Variants in ST3GAL1 observed in about 807,000 individuals in gnomAD.
The protein encoded by ST3GAL1 is ST3 beta-galactoside alpha-2,3-sialyltransferase 1.
In ST3GAL1, 16 loss-of-function variants were observed where a neutral mutation model predicts 34.1. The ratio of observed to expected loss-of-function variants is 0.47; its 90% CI spans 0.32 to 0.71. The LOEUF is 0.71. Ranked by LOEUF, ST3GAL1 falls within the 30% of genes least tolerant of loss-of-function variation. The pLI, the probability that ST3GAL1 is intolerant of heterozygous loss-of-function variation, is 0.04. For synonymous variants in ST3GAL1, 191 were observed against 184.7 expected, an observed-to-expected ratio of 1.03 and a Z score of -0.28; for missense variants, 353 against 447.4, an observed-to-expected ratio of 0.79 and a Z score of 1.90.
chr8:133,532,212 C>G (rs1354701579), intron 2 of ST3GAL1, among the ~76,000 whole-genome samples: 7 of 152,160 alleles, frequency 4.6e-5, no homozygotes, highest in Admixed American at 4.6e-4. Context: ...TGGCTTACAC[C>G]TGTAATCCCA....
intron 1 of ST3GAL1, among the ~76,000 whole-genome samples, chr8:133,563,888 A>G (rs1239972809): frequency 6.6e-6 from 1 of 152,032 alleles, no homozygotes; most frequent in East Asian, 1.9e-4. Context: ...CTTATGAATA[A>G]CCGTGTAAGG....
chr8:133,466,715 C>A lies in ST3GAL1; in HGVS notation c.307-625G>T, dbSNP rs1379821845. 6.6e-6 allele frequency among the ~76,000 whole-genome samples: 1 copy of A among 152,248 alleles called. No individual in the cohort carries two copies. Among genetic ancestry groups the A allele is most frequent in the African/African-American group, 2.4e-5 (1 of 41,472 alleles). On this transcript the variant is annotated intron_variant, in intron 5 of 9. Transcript: ENST00000522652. This position sits in a 1 kb window ranked among gnomAD's most constrained non-coding sequence, Gnocchi z 4.4. ...ACCCTCAGTTCCCCCGGCCCCAGCA[C>A]TGCTGGGCTCCAGCCAGATTGAAGA...
At chr8:133,485,000 T>G (rs1310094999) in intron 3 of ST3GAL1, among the ~76,000 whole-genome samples, 1 of 152,094 alleles carries the variant, frequency 6.6e-6, no homozygotes, top group Non-Finnish European at 1.5e-5. Context: ...GAAGCTAGAG[T>G]GGTATCTGCA....
chr8:133,495,472 C>A (rs1816916740), intron 3 of ST3GAL1, among the ~76,000 whole-genome samples: 1 of 152,198 alleles, frequency 6.6e-6, no homozygotes, highest in Non-Finnish European at 1.5e-5. Flanking sequence ...TAATTTCGCA[C>A]TTAAATTGTT....
chr8:133,476,228 G>C (rs1178139754), intron 4 of ST3GAL1, 50 bp downstream of exon 4: 2 of 533,054 alleles, frequency 3.8e-6, no homozygotes, highest in Non-Finnish European at 6.4e-6. Flanking sequence ...ACGGCTGTGT[G>C]GTAGACCAAC....
chr8:133,553,254 GA>G (rs1818911887), intron 1 of ST3GAL1, among the ~76,000 whole-genome samples: 1 of 152,134 alleles, frequency 6.6e-6, no homozygotes, highest in Non-Finnish European at 1.5e-5. Context: ...GCAGAACTGA[GA>G]CAATCAACTT....
At chr8:133,480,124 T>G (rs1161613394) in intron 3 of ST3GAL1, among the ~76,000 whole-genome samples, 1 of 152,242 alleles carries the variant, frequency 6.6e-6, no homozygotes, top group Non-Finnish European at 1.5e-5. Flanking sequence ...GGAGGGAAGC[T>G]GGCTCCCTGT....
chr8:133,571,344 C>T lies in ST3GAL1; in HGVS notation c.-582+349G>A, dbSNP rs898602263. ...GGGGCTGCTTTCGGGAACCGCTGCC[C>T]GGGACTTGGCGTAGGTTCCCCACAG... On this transcript the variant is annotated intron_variant, in intron 1 of 9. Coordinates refer to ENST00000522652, the MANE Select transcript of ST3GAL1 (RefSeq NM_173344.3). This position sits in a 1 kb window ranked among gnomAD's most constrained non-coding sequence, Gnocchi z 6.7. Among the ~76,000 whole-genome samples the T allele has an allele frequency of 4.6e-5, 7 of 152,138 alleles. No homozygotes were observed. Among genetic ancestry groups the T allele is most frequent in the Non-Finnish European group, 7.4e-5 (5 of 68,026 alleles).
Position 133,458,872 on chromosome 8 carries a change from G to T in ST3GAL1, c.*892C>A, listed in dbSNP as rs553389605. On this transcript the variant is annotated 3_prime_UTR_variant, in exon 10 of 10. Transcript: ENST00000522652. The stretch of plus-strand genomic sequence containing the variant: ...TCAGAAACACGGTGCCAAGTTTGGG[G>T]TTTTTTTTCTTTTCTTTTTTTTTTT... 2.1e-3 allele frequency: 310 copies of T among 149,352 alleles called. 1 individual carries two copies. Among genetic ancestry groups the T allele is most frequent in the South Asian group, 0.01 (48 of 4,662 alleles). The allele number at this position is 149,352 out of a possible 1,614,324, so 9.3% of individuals were successfully genotyped here. A position where few individuals can be genotyped will look rare whatever the true frequency, so the allele number is the denominator to read the frequency against.
At chr8:133,462,320 G>A (rs1485655564) in intron 8 of ST3GAL1, among the ~76,000 whole-genome samples, 2 of 152,142 alleles carry the variant, frequency 1.3e-5, no homozygotes, top group Admixed American at 1.3e-4. Flanking sequence ...CAGGAGAAGG[G>A]GGCTCCAGGG....
intron 2 of ST3GAL1, among the ~76,000 whole-genome samples, chr8:133,509,230 C>T (rs1203058874): frequency 6.6e-6 from 1 of 152,214 alleles, no homozygotes; most frequent in Non-Finnish European, 1.5e-5. Context: ...GTGTCACCAG[C>T]CAAATTTCAA....
In ST3GAL1 at chr8:133,541,120, T is replaced by TAGAGAGAGAGAGAGAGAGAG. The variant is rs1554618899; in HGVS notation, c.-429+4634_-429+4653dup. 3.0e-3 allele frequency among the ~76,000 whole-genome samples: 146 copies of TAGAGAGAGAGAGAGAGAGAG among 48,600 alleles called. 8 individuals are homozygous for TAGAGAGAGAGAGAGAGAGAG. Among genetic ancestry groups the TAGAGAGAGAGAGAGAGAGAG allele is most frequent in the South Asian group, 4.1e-3 (5 of 1,220 alleles). The allele number at this position is 48,600 out of a possible 152,430, so 31.9% of individuals were successfully genotyped here. On this transcript the variant is annotated intron_variant, in intron 2 of 9. Coordinates refer to ENST00000522652, the MANE Select transcript of ST3GAL1 (RefSeq NM_173344.3). Reference sequence around the variant, plus strand: ...ACATATATATATATATATATATATATAGAGAGAGAGAGAGAGAGAGAGAGA... The same window carrying TAGAGAGAGAGAGAGAGAGAG: ...ACATATATATATATATATATATATATAGAGAGAGAGAGAGAGAGAGAGAGAGAGAGAGAGAGAGAGAGAGA...
intron 2 of ST3GAL1, chr8:133,544,060 T>C (rs1818608621): frequency 6.6e-6 from 1 of 152,258 alleles, no homozygotes; most frequent in Non-Finnish European, 1.5e-5. Flanking sequence ...AATTGGATCT[T>C]TTCTCATCAG....
intron 2 of ST3GAL1, among the ~76,000 whole-genome samples, chr8:133,522,094 C>A (rs1206166977): frequency 6.6e-6 from 1 of 152,122 alleles, no homozygotes; most frequent in East Asian, 1.9e-4. Context: ...GGGCAGAAAG[C>A]CTCCCAGAAG....
intron 2 of ST3GAL1, among the ~76,000 whole-genome samples, chr8:133,537,828 T>C (rs559762857): frequency 6.6e-6 from 1 of 152,336 alleles, no homozygotes; most frequent in African/African-American, 2.4e-5. Flanking sequence ...TCTTGGATCT[T>C]TGAGCACCCA....
intron 1 of ST3GAL1, among the ~76,000 whole-genome samples, chr8:133,554,930 T>C (rs1818965040): frequency 6.6e-6 from 1 of 152,032 alleles, no homozygotes; most frequent in African/African-American, 2.4e-5. Flanking sequence ...GGTTTCACCA[T>C]GTTGGCCAGG....
rs1367023182 is a variant in ST3GAL1 at position 133,455,642 on chromosome 8, A to AC, written c.*4121dup. The AC allele has an allele frequency of 6.6e-6, 1 of 151,796 alleles. No individual in the cohort carries two copies. 9.4% of individuals were successfully genotyped at this position (151,796 alleles called of 1,614,324 possible). On this transcript the variant is annotated 3_prime_UTR_variant, in exon 10 of 10. Transcript: ENST00000522652. Reference sequence around the variant, plus strand: ...AGATGTCTGCGATGGATATAATGATACCCCCGGGGCTCTTCTCAGGGGTGA... The same window carrying AC: ...AGATGTCTGCGATGGATATAATGATACCCCCCGGGGCTCTTCTCAGGGGTGA...
At chr8:133,494,333 T>C (rs888279368) in intron 3 of ST3GAL1, among the ~76,000 whole-genome samples, 11 of 152,310 alleles carry the variant, frequency 7.2e-5, no homozygotes, top group African/African-American at 1.7e-4. Context: ...TCTGAAAGTA[T>C]GGACTGAGTT....
intron 2 of ST3GAL1, among the ~76,000 whole-genome samples, chr8:133,507,178 G>A (rs181902628): frequency 2.0e-5 from 3 of 152,196 alleles, no homozygotes. Context: ...TGACAGTAGG[G>A]AAGAGAAATG....
Sources: gnomAD v4.1 joint callset for allele counts (sites outside exome capture counted in the v4.1 genomes callset) on GRCh38, gnomAD v4.1.1 for gene constraint, Gnocchi (gnomAD v3.1) non-coding constraint, MANE v1.5 for transcripts, NCBI Gene and HGNC (gene_info 2026-07-23, HGNC 2026-07-21) for gene names.